DNAH9: variants seen among roughly 807,000 people sequenced by gnomAD.
The protein encoded by DNAH9 is dynein axonemal heavy chain 9.
Under a neutral mutation model 471.6 loss-of-function variants are expected in DNAH9, and 345 were observed. The ratio of observed to expected loss-of-function variants is 0.73; its 90% confidence interval spans 0.67 to 0.80. The LOEUF is 0.80. Among genes scored for constraint, DNAH9 ranks in the 30% least tolerant of loss-of-function variants. DNAH9 has a pLI of 0.00. For missense variants in DNAH9, 5,407 were observed against 5,609.2 expected, an observed-to-expected ratio of 0.96 and a Z score of 1.15; for synonymous variants, 2,093 against 2,123.6, an observed-to-expected ratio of 0.99 and a Z score of 0.40.
chr17:11,648,947 GA>G (rs2073446153), intron 12 of DNAH9, among the ~76,000 whole-genome samples: 1 of 152,054 alleles, frequency 6.6e-6, no homozygotes, highest in Non-Finnish European at 1.5e-5. Context: ...CTGACATGGA[GA>G]AACCCCATCT....
At chr17:11,830,664 A>G (rs1970656624) in intron 48 of DNAH9, among the ~76,000 whole-genome samples, 1 of 152,238 alleles carries the variant, frequency 6.6e-6, no homozygotes, top group Non-Finnish European at 1.5e-5. Flanking sequence ...GTCGTTATCA[A>G]GACGTTTTTG....
At chr17:11,940,278 A>G (rs139408076) in intron 66 of DNAH9, among the ~76,000 whole-genome samples, 171 of 152,254 alleles carry the variant, frequency 1.1e-3, no homozygotes, top group Non-Finnish European at 2.0e-3. Flanking sequence ...GTCCTTCCCT[A>G]TCAGCCCTCT....
At chr17:11,732,534 C>T (rs11869596) in intron 28 of DNAH9, among the ~76,000 whole-genome samples, 41 of 152,030 alleles carry the variant, frequency 2.7e-4, no homozygotes, top group African/African-American at 8.4e-4. Context: ...CCTACAGAAG[C>T]GATTATGCTG....
chr17:11,709,037 A>T (rs2074784392), intron 26 of DNAH9, among the ~76,000 whole-genome samples: 1 of 152,186 alleles, frequency 6.6e-6, no homozygotes. Context: ...ATTCCAAGTG[A>T]TAAAAAGTAC....
chr17:11,968,284 C>T (rs533724905), intron 68 of DNAH9, among the ~76,000 whole-genome samples: 1 of 152,284 alleles, frequency 6.6e-6, no homozygotes, highest in Non-Finnish European at 1.5e-5. Flanking sequence ...CCACTGTTTA[C>T]CTTAATTCTG....
chr17:11,938,504 C>T (rs1423404307), intron 66 of DNAH9, among the ~76,000 whole-genome samples: 1 of 150,950 alleles, frequency 6.6e-6, no homozygotes, highest in Non-Finnish European at 1.5e-5. Context: ...GGAAATTTCT[C>T]CATGAATTTT....
intron 49 of DNAH9, chr17:11,853,136 G>A (rs1462416800): frequency 6.6e-6 from 1 of 151,632 alleles, no homozygotes; most frequent in Non-Finnish European, 1.5e-5. Context: ...GTATAGAACT[G>A]GAAACTGTAT....
intron 50 of DNAH9, among the ~76,000 whole-genome samples, chr17:11,861,105 C>T (rs1481520787): frequency 6.6e-6 from 1 of 151,466 alleles, no homozygotes; most frequent in East Asian, 1.9e-4. Context: ...ATACATGTGC[C>T]ATGCTGGTGC....
intron 59 of DNAH9, among the ~76,000 whole-genome samples, chr17:11,902,382 G>C (rs139428070): frequency 0.022 from 3,304 of 152,276 alleles, 56 homozygotes; most frequent in Non-Finnish European, 0.033. Context: ...ACTAACTTTA[G>C]GTGTCCAAGC....
At chr17:11,798,678 C>T (rs35125227) in intron 43 of DNAH9, among the ~76,000 whole-genome samples, 88,639 of 151,668 alleles carry the variant, frequency 0.58, 26,011 homozygotes, top group Non-Finnish European at 0.61. Flanking sequence ...AAAATCCTTC[C>T]GCCTTCCCCC....
At chr17:11,943,536 G>T (rs1975012764) in intron 67 of DNAH9, among the ~76,000 whole-genome samples, 1 of 152,084 alleles carries the variant, frequency 6.6e-6, no homozygotes. Context: ...AATTAGCCAG[G>T]CGTGGCGGTG....
In DNAH9 at chr17:11,826,530, G is replaced by A. The variant is rs188501794; in HGVS notation, c.9246+3496G>A. 9.3e-3 allele frequency among the ~76,000 whole-genome samples: 1,317 copies of A among 142,006 alleles called. 22 individuals carry two copies. Among genetic ancestry groups the A allele is most frequent in the African/African-American group, 0.033 (1,238 of 37,344 alleles). 93.2% of individuals were successfully genotyped at this position (142,006 alleles called of 152,430 possible). A position where few individuals can be genotyped will look rare whatever the true frequency, so the allele number is the denominator to read the frequency against. On this transcript the variant is annotated intron_variant, in intron 48 of 68. Transcript: ENST00000262442. ...GGCTGGAGTGCAGTGGCGCGATCTC[G>A]GCTCACTGCAAGCTCTGCCTCCCGG...
chr17:11,768,229 A>C (rs1968048936), intron 36 of DNAH9, among the ~76,000 whole-genome samples: 1 of 152,134 alleles, frequency 6.6e-6, no homozygotes, highest in South Asian at 2.1e-4. Context: ...GCTCAGCCGC[A>C]TGGTCAAGCA....
chr17:11,698,263 A>ATTATATAATATATTATATTAATATATAAT (rs1201619905), intron 22 of DNAH9, among the ~76,000 whole-genome samples: 36 of 7,058 alleles, frequency 5.1e-3, no homozygotes, highest in Non-Finnish European at 0.013. Flanking sequence ...AATATATAAT[A>ATTATATAATATATTATATTAATATATAAT]ATTATATAAT....
At chr17:11,823,297 T>C (rs999126200) in intron 48 of DNAH9, among the ~76,000 whole-genome samples, 2 of 152,134 alleles carry the variant, frequency 1.3e-5, no homozygotes, top group Non-Finnish European at 2.9e-5. Flanking sequence ...TACCAAAAGT[T>C]CAGGCTGAGT....
chr17:11,682,282 GCT>G (rs1313370240), intron 19 of DNAH9, among the ~76,000 whole-genome samples: 1 of 150,744 alleles, frequency 6.6e-6, no homozygotes, highest in African/African-American at 2.4e-5. Context: ...GTAGCGTCTT[GCT>G]CTGTCACCCA....
At position 11,689,945 on chromosome 17, in the gene DNAH9, G is replaced by A; in HGVS notation, c.4123G>A (p.Glu1375Lys). 1 of 1,612,486 alleles carries A rather than the reference G, an allele frequency of 6.2e-7. No individual in the cohort carries two copies. The highest frequency in any genetic ancestry group is 8.5e-7 in the Non-Finnish European group (1 of 1,179,216). Reference sequence around the variant, plus strand: ...GCTGAGCTCCCTGAGGGCAGTAGCTGAGCTGCAGAATCCAGCCATCCGGGA... The same window carrying A: ...GCTGAGCTCCCTGAGGGCAGTAGCTAAGCTGCAGAATCCAGCCATCCGGGA... ...NTLSSLRAVA[E>K]LQNPAIRERH... Residue 1375 changes from glutamate (E) to lysine (K), a missense_variant, in exon 20 of 69, where the codon GAG (glutamate) becomes AAG (lysine). Glu to Lys is a moderately conservative substitution (Grantham distance 56). Coordinates refer to ENST00000262442, the MANE Select transcript of DNAH9 (RefSeq NM_001372.4).
chr17:11,750,143 T>C (rs1413573293), intron 32 of DNAH9, among the ~76,000 whole-genome samples: 5 of 152,064 alleles, frequency 3.3e-5, no homozygotes. Context: ...CTTTAAAATA[T>C]GTTTAGGGGC....
chr17:11,880,636 G>T (rs1275165395), intron 54 of DNAH9, among the ~76,000 whole-genome samples: 1 of 152,144 alleles, frequency 6.6e-6, no homozygotes, highest in Admixed American at 6.6e-5. Context: ...AGGCAAAGCA[G>T]GGGGTGGTGT....
Sources: allele counts gnomAD v4.1 joint callset (sites outside exome capture counted in the v4.1 genomes callset), GRCh38; gene constraint gnomAD v4.1.1; transcripts MANE v1.5; gene names NCBI Gene and HGNC (gene_info 2026-07-23, HGNC 2026-07-21).